The following LYRM4 variants were observed in gnomAD, a reference collection of about 807,000 sequenced individuals.
The protein encoded by LYRM4 is LYR motif containing 4, also known as LYR motif-containing protein 4.
A neutral mutation model predicts 11.7 loss-of-function variants in LYRM4; 9 were observed. The ratio of observed to expected loss-of-function variants is 0.77; its 90% CI spans 0.46 to 1.34. LYRM4 has a LOEUF of 1.34. Ranked by LOEUF, LYRM4 falls within the 40% of genes most tolerant of loss-of-function variation. The pLI is 0.00. For synonymous variants in LYRM4, 42 were observed against 40.4 expected, an observed-to-expected ratio of 1.04 and a Z score of -0.15; for missense variants, 133 against 112.5, an observed-to-expected ratio of 1.18 and a Z score of -0.82.
At chr6:5,142,171 C>G (rs1029963546) in intron 2 of LYRM4, among the ~76,000 whole-genome samples, 2 of 152,148 alleles carry the variant, frequency 1.3e-5, no homozygotes, top group Non-Finnish European at 2.9e-5. Context: ...ATAACCTTGA[C>G]AGTGGAGGTG....
downstream of LYRM4, chr6:5,106,729 C>CT: frequency 6.6e-6 from 1 of 152,232 alleles, no homozygotes; most frequent in African/African-American, 2.4e-5. Flanking sequence ...CCTTGCTCGG[C>CT]CAATGAGTTC....
rs961695155 is a variant in LYRM4 at position 5,184,859 on chromosome 6, G to A, written c.207+31759C>T. ...TTGCAGATATCAGCAGAGAAAAGAG[G>A]GAGCAGTGGAAGAACATATCCTCAT... On this transcript the variant is annotated intron_variant, in intron 2 of 2. Transcript: ENST00000330636. 3.3e-5 allele frequency among the ~76,000 whole-genome samples: 5 copies of A among 152,190 alleles called. No homozygotes were observed. In the East Asian group the frequency reaches 9.6e-4, roughly 29 times the overall value.
chr6:5,073,825 T>A, the LYRM4 span, among the ~76,000 whole-genome samples: 1 of 152,060 alleles, frequency 6.6e-6, no homozygotes, highest in Non-Finnish European at 1.5e-5. Flanking sequence ...AACTATTCAG[T>A]AGGCAGGGGG....
chr6:5,167,817 G>T (rs1759175661), intron 2 of LYRM4, among the ~76,000 whole-genome samples: 1 of 151,830 alleles, frequency 6.6e-6, no homozygotes, highest in African/African-American at 2.4e-5. Flanking sequence ...CTATGAATGG[G>T]GTATACACCT....
chr6:5,259,074 A>G (rs546159728), intron 1 of LYRM4, among the ~76,000 whole-genome samples: 222 of 142,072 alleles, frequency 1.6e-3, no homozygotes, highest in Non-Finnish European at 2.5e-3. Context: ...AGAGATTGAG[A>G]GACTTGTCCA....
intron 2 of LYRM4, among the ~76,000 whole-genome samples, chr6:5,157,896 G>A (rs1490925355): frequency 6.6e-6 from 1 of 152,228 alleles, no homozygotes; most frequent in Non-Finnish European, 1.5e-5. Flanking sequence ...GAATACCCCA[G>A]CCGGCCAGCA....
the LYRM4 span, among the ~76,000 whole-genome samples, chr6:5,091,974 T>C: frequency 4.7e-4 from 71 of 152,196 alleles, no homozygotes; most frequent in Non-Finnish European, 7.6e-4. Flanking sequence ...ACTTGTTACC[T>C]GAGGTCATTT....
At chr6:5,113,941 C>A (rs532432402) in intron 2 of LYRM4, among the ~76,000 whole-genome samples, 6 of 152,328 alleles carry the variant, frequency 3.9e-5, no homozygotes, top group African/African-American at 1.4e-4. Flanking sequence ...TTTGAGATAA[C>A]CACATGAGAT....
rs765741377 is a variant in LYRM4, at chr6:5,138,487, CAAAAAAAAAA to C, written c.208-29006_208-28997del. ...GGCCAACAGAGTGAGACCCTGTCTC[CAAAAAAAAAA>C]AAAAAAAAAAAAAAAAAAAAATCGA... is the stretch of plus-strand genomic sequence containing the variant. On this transcript the variant is annotated intron_variant, in intron 2 of 2. Coordinates refer to ENST00000330636, the MANE Select transcript of LYRM4 (RefSeq NM_020408.6). 6.1e-3 allele frequency among the ~76,000 whole-genome samples: 303 copies of C among 49,694 alleles called. 3 individuals are homozygous for C. The highest frequency in any genetic ancestry group is 0.019 in the African/African-American group (235 of 12,078). 32.6% of individuals were successfully genotyped at this position (49,694 alleles called of 152,430 possible). A position where few individuals can be genotyped will look rare whatever the true frequency, so the allele number is the denominator to read the frequency against.
chr6:5,103,827 G>A (rs1762578453), downstream of LYRM4: 1 of 151,790 alleles, frequency 6.6e-6, no homozygotes, highest in South Asian at 2.1e-4. Flanking sequence ...TAGGAGAGAT[G>A]GGGTTTCACC....
the LYRM4 span, among the ~76,000 whole-genome samples, chr6:5,084,015 AT>A: frequency 1.3e-5 from 2 of 152,246 alleles, no homozygotes; most frequent in East Asian, 1.9e-4. Flanking sequence ...GGCGCCTGTA[AT>A]CCCAGCTACC....
At chr6:5,245,412 GTGT>G (rs1322199283) in intron 1 of LYRM4, among the ~76,000 whole-genome samples, 1 of 151,922 alleles carries the variant, frequency 6.6e-6, no homozygotes, top group African/African-American at 2.4e-5. Context: ...ATGCTTTGCA[GTGT>G]TCTGTCACTG....
intron 2 of LYRM4, among the ~76,000 whole-genome samples, chr6:5,146,366 T>C (rs1757721735): frequency 6.6e-6 from 1 of 152,214 alleles, no homozygotes; most frequent in African/African-American, 2.4e-5. Flanking sequence ...TGTTATCTTC[T>C]GAGGGGGTAT....
intron 1 of LYRM4, among the ~76,000 whole-genome samples, chr6:5,248,169 T>A (rs949092745): frequency 2.6e-5 from 4 of 152,266 alleles, no homozygotes; most frequent in African/African-American, 9.6e-5. Flanking sequence ...GATATTCTCA[T>A]AACCTTAGTT....
At chr6:5,250,693 A>G (rs1197244185) in intron 1 of LYRM4, among the ~76,000 whole-genome samples, 1 of 150,862 alleles carries the variant, frequency 6.6e-6, no homozygotes, top group Non-Finnish European at 1.5e-5. Flanking sequence ...CAGGCTCTAT[A>G]TGAAATCCAG....
At chr6:5,234,787 T>C (rs1763443768) in intron 1 of LYRM4, among the ~76,000 whole-genome samples, 1 of 152,118 alleles carries the variant, frequency 6.6e-6, no homozygotes, top group South Asian at 2.1e-4. Context: ...GAACTGAACA[T>C]GGGATGGAAT....
At chr6:5,255,484 T>C (rs532113814) in intron 1 of LYRM4, among the ~76,000 whole-genome samples, 1 of 143,078 alleles carries the variant, frequency 7.0e-6, no homozygotes, top group East Asian at 2.0e-4. Flanking sequence ...CACTTTAAAA[T>C]AGGTGTTTTT....
chr6:5,056,250 A>T, the LYRM4 span, among the ~76,000 whole-genome samples: 1 of 152,176 alleles, frequency 6.6e-6, no homozygotes. Flanking sequence ...ACCAGTTGTG[A>T]TATGTTTTCT....
chr6:5,243,319 C>G (rs1204414695), intron 1 of LYRM4, among the ~76,000 whole-genome samples: 1 of 152,212 alleles, frequency 6.6e-6, no homozygotes, highest in Non-Finnish European at 1.5e-5. Flanking sequence ...ATGTAGCTCC[C>G]ACTCTTGTGC....
Sources: allele counts gnomAD v4.1 joint callset (sites outside exome capture counted in the v4.1 genomes callset), GRCh38; gene constraint gnomAD v4.1.1; transcripts MANE v1.5; gene names NCBI Gene and HGNC (gene_info 2026-07-23, HGNC 2026-07-21).